Variants in GRIP1 observed in about 807,000 individuals in gnomAD.
GRIP1 encodes glutamate receptor-interacting protein 1.
Under a neutral mutation model 129.9 loss-of-function variants are expected in GRIP1, and 45 were observed. The ratio of observed to expected loss-of-function variants is 0.35; its 90% CI spans 0.27 to 0.44. GRIP1 has a LOEUF of 0.44. GRIP1 is among the 20% of genes least tolerant of loss of function. The pLI, the probability that GRIP1 is intolerant of heterozygous loss-of-function variation, is 1.00. For missense variants in GRIP1, 1,196 were observed against 1,396.8 expected (o/e 0.86, Z 2.29); for synonymous variants, 530 against 520.8 (o/e 1.02, Z -0.24).
chr12:66,445,532 T>C lies in GRIP1; in HGVS notation c.1355-24A>G, dbSNP rs773479547. The C allele has an allele frequency of 5.7e-6, 9 of 1,579,800 alleles. No individual in the cohort carries two copies. The East Asian group carries it at 1.8e-4, about 32-fold the overall frequency. On this transcript the variant is annotated intron_variant, in intron 11 of 24. Coordinates refer to ENST00000359742, the MANE Select transcript of GRIP1 (RefSeq NM_001366722.1). The stretch of plus-strand genomic sequence containing the variant: ...CACTAGAGGAACAAACAGAAAATAC[T>C]GACTTTAGGTTGGAGCAAGCACCAG...
chr12:66,850,794 C>T (rs560058938), intron 1 of GRIP1, among the ~76,000 whole-genome samples: 1 of 151,822 alleles, frequency 6.6e-6, no homozygotes, highest in East Asian at 1.9e-4. Context: ...CACATACACA[C>T]ACGGCTAATA....
At chr12:67,003,729 AAAAT>A (rs1424005951) in intron 1 of GRIP1, among the ~76,000 whole-genome samples, 18 of 152,008 alleles carry the variant, frequency 1.2e-4, no homozygotes, top group South Asian at 6.2e-4. Flanking sequence ...AATAAATAAA[AAAAT>A]AAATAAAAAA....
intron 1 of GRIP1, among the ~76,000 whole-genome samples, chr12:66,627,309 C>T (rs2030199256): frequency 6.6e-6 from 1 of 152,190 alleles, no homozygotes; most frequent in Non-Finnish European, 1.5e-5. Flanking sequence ...CAAACAGACT[C>T]CTAATTGATT....
chr12:66,529,750 C>G, intron 5 of GRIP1, 81 bp downstream of exon 5: 2 of 840,506 alleles, frequency 2.4e-6, no homozygotes, highest in Admixed American at 3.4e-5. Context: ...ATTCATGTAA[C>G]CAAATACCCA....
At chr12:67,002,545 A>T (rs957954727) in intron 1 of GRIP1, among the ~76,000 whole-genome samples, 1 of 152,240 alleles carries the variant, frequency 6.6e-6, no homozygotes, top group Admixed American at 6.5e-5. Context: ...GGCAATTCAT[A>T]CAACAAAGCA....
chr12:66,347,674 C>CATG lies in GRIP1; in HGVS notation c.*1342_*1344dup. The CATG allele has an allele frequency of 6.6e-6, 1 of 152,182 alleles. No individual in the cohort carries two copies. Among genetic ancestry groups the CATG allele is most frequent in the Middle Eastern group, 3.4e-3 (1 of 294 alleles). 9.4% of individuals were successfully genotyped at this position (152,182 alleles called of 1,614,324 possible). On this transcript the variant is annotated 3_prime_UTR_variant, in exon 25 of 25. Coordinates refer to ENST00000359742, the MANE Select transcript of GRIP1 (RefSeq NM_001366722.1). ...ATGATCTTTTTTTCTTTTTTCTTAA[C>CATG]ATGATCCTGCTTTATACTTTCTTGC...
intron 1 of GRIP1, among the ~76,000 whole-genome samples, chr12:66,783,649 G>T (rs188336482): frequency 6.6e-6 from 1 of 152,040 alleles, no homozygotes; most frequent in Non-Finnish European, 1.5e-5. Context: ...CCAACACATC[G>T]ATTTTACAGT....
chr12:66,953,806 A>C (rs2041796799), intron 1 of GRIP1, among the ~76,000 whole-genome samples: 2 of 152,302 alleles, frequency 1.3e-5, no homozygotes, highest in South Asian at 4.1e-4. Flanking sequence ...ATCAGCTACT[A>C]AATGACAAGC....
intron 1 of GRIP1, among the ~76,000 whole-genome samples, chr12:66,759,525 C>T (rs1566007214): frequency 6.6e-6 from 1 of 152,190 alleles, no homozygotes; most frequent in East Asian, 1.9e-4. Context: ...TTGAATTTCT[C>T]CTCAAAAAAA....
At chr12:66,985,483 T>TA in intron 1 of GRIP1, among the ~76,000 whole-genome samples, 1 of 152,162 alleles carries the variant, frequency 6.6e-6, no homozygotes, top group Middle Eastern at 3.2e-3. Flanking sequence ...TAAAATAAAA[T>TA]TTTTACTGTT....
intron 1 of GRIP1, among the ~76,000 whole-genome samples, chr12:66,642,580 C>T (rs1189142001): frequency 6.6e-6 from 1 of 152,084 alleles, no homozygotes; most frequent in African/African-American, 2.4e-5. Flanking sequence ...CAGATTCCTG[C>T]TTTAGGAAGA....
At chr12:66,457,902 T>C (rs2059015783) in intron 9 of GRIP1, among the ~76,000 whole-genome samples, 1 of 152,202 alleles carries the variant, frequency 6.6e-6, no homozygotes, top group Non-Finnish European at 1.5e-5. Context: ...GATCATGAAA[T>C]CATCTACCTC....
intron 1 of GRIP1, among the ~76,000 whole-genome samples, chr12:66,759,514 C>T (rs1374455349): frequency 1.3e-5 from 2 of 152,220 alleles, no homozygotes; most frequent in East Asian, 3.9e-4. Flanking sequence ...CTGCATCCAG[C>T]TTGAATTTCT....
At chr12:66,850,285 T>C (rs914000736) in intron 1 of GRIP1, among the ~76,000 whole-genome samples, 2 of 152,260 alleles carry the variant, frequency 1.3e-5, no homozygotes, top group African/African-American at 4.8e-5. Context: ...ATTTAAACTT[T>C]AGTTCTTTTA....
intron 1 of GRIP1, among the ~76,000 whole-genome samples, chr12:66,992,373 G>GA (rs1051357511): frequency 4.4e-5 from 4 of 91,814 alleles, no homozygotes; most frequent in Non-Finnish European, 6.5e-5. Context: ...TGAAGGTTTA[G>GA]AAAAAAAAAA....
At chr12:66,840,687 C>A (rs1035181266) in intron 1 of GRIP1, among the ~76,000 whole-genome samples, 1 of 152,152 alleles carries the variant, frequency 6.6e-6, no homozygotes, top group Non-Finnish European at 1.5e-5. Flanking sequence ...AGACTGAAAC[C>A]TACTGAACTC....
At chr12:66,539,637 T>A (rs2139201416) in intron 3 of GRIP1, among the ~76,000 whole-genome samples, 1 of 148,548 alleles carries the variant, frequency 6.7e-6, no homozygotes, top group South Asian at 2.2e-4. Flanking sequence ...ACACATGTCT[T>A]TTTATTCTCA....
At chr12:66,495,269 G>A (rs1037980916) in intron 7 of GRIP1, among the ~76,000 whole-genome samples, 1 of 152,122 alleles carries the variant, frequency 6.6e-6, no homozygotes, top group African/African-American at 2.4e-5. Context: ...CTTCTATTAC[G>A]ATGCAGTGAA....
chr12:66,726,827 C>G (rs1226974698), intron 1 of GRIP1, among the ~76,000 whole-genome samples: 2 of 152,164 alleles, frequency 1.3e-5, no homozygotes, highest in Non-Finnish European at 2.9e-5. Flanking sequence ...TAAGTAAGAT[C>G]GGCTGGATCC....
Sources: gnomAD v4.1 joint callset for allele counts (sites outside exome capture counted in the v4.1 genomes callset) on GRCh38, gnomAD v4.1.1 for gene constraint, MANE v1.5 for transcripts, NCBI Gene and HGNC (gene_info 2026-07-23, HGNC 2026-07-21) for gene names.